Variants in FDCSP observed in about 807,000 individuals in gnomAD.
FDCSP encodes follicular dendritic cell secreted protein, also known as follicular dendritic cell secreted peptide.
Under a neutral mutation model 8.9 loss-of-function variants are expected in FDCSP, and 8 were observed. The observed-to-expected ratio is 0.90, with a 90% confidence interval of 0.53 to 1.63. The LOEUF (loss-of-function observed/expected upper bound fraction) is 1.63, where lower values mean the gene tolerates loss of function less well. Ranked by LOEUF, FDCSP falls within the 40% of genes most tolerant of loss-of-function variation. The probability of loss-of-function intolerance (pLI) is 0.00; values close to 1 mark genes in which losing one functional copy is unlikely to be tolerated. For synonymous variants in FDCSP, 34 were observed against 34.5 expected (o/e 0.98, Z 0.06); for missense variants, 101 against 103.6 (o/e 0.98, Z 0.11).
At chr4:70,226,740 A>G (rs572471289) in intron 1 of FDCSP, among the ~76,000 whole-genome samples, 1 of 152,010 alleles carries the variant, frequency 6.6e-6, no homozygotes, top group South Asian at 2.1e-4. Flanking sequence ...ATTTATCTGG[A>G]GAATCATTTA....
chr4:70,229,882 A>G (rs1290601619), intron 1 of FDCSP, among the ~76,000 whole-genome samples: 4 of 151,706 alleles, frequency 2.6e-5, no homozygotes, highest in Admixed American at 2.6e-4. Context: ...ATATCTTATA[A>G]TACTGAAAAC....
chr4:70,234,472 A>C (rs1730140866), intron 4 of FDCSP, among the ~76,000 whole-genome samples: 2 of 151,642 alleles, frequency 1.3e-5, no homozygotes, highest in Non-Finnish European at 3.0e-5. Context: ...ATTTTATTAA[A>C]ATATTGTTTA....
At chr4:70,226,414 T>G (rs1004534427) in intron 1 of FDCSP, among the ~76,000 whole-genome samples, 1 of 151,894 alleles carries the variant, frequency 6.6e-6, no homozygotes, top group Non-Finnish European at 1.5e-5. Context: ...AAATATTTAT[T>G]TTAGAGTGAC....
At chr4:70,234,814 A>C (rs1406976544) in intron 4 of FDCSP, among the ~76,000 whole-genome samples, 1 of 150,614 alleles carries the variant, frequency 6.6e-6, no homozygotes. Context: ...GATCTAATCT[A>C]CTATAATAAT....
chr4:70,233,998 T>C (rs1361996593), intron 3 of FDCSP, 22 bp from the exon 4 acceptor site: 1 of 1,579,704 alleles, frequency 6.3e-7, no homozygotes, highest in Non-Finnish European at 8.6e-7. Context: ...AAATAAACCC[T>C]TTAACTTCTT....
chr4:70,233,233 TA>T (rs1730118536), intron 3 of FDCSP, among the ~76,000 whole-genome samples: 1 of 151,712 alleles, frequency 6.6e-6, no homozygotes, highest in Non-Finnish European at 1.5e-5. Context: ...CATGTCACGG[TA>T]AAAATTGGAT....
At chr4:70,231,587 C>T (rs1168769993) in intron 2 of FDCSP, among the ~76,000 whole-genome samples, 8 of 151,662 alleles carry the variant, frequency 5.3e-5, no homozygotes, top group Non-Finnish European at 1.0e-4. Flanking sequence ...CTGGTGTAAA[C>T]AAACCTACCC....
At chr4:70,234,329 T>C in intron 4 of FDCSP, 114 bp downstream of exon 4, 1 of 832,186 alleles carries the variant, frequency 1.2e-6, no homozygotes, top group Non-Finnish European at 1.8e-6. Context: ...TCAGTTTCTG[T>C]TTGTTTTAAT....
intron 3 of FDCSP, among the ~76,000 whole-genome samples, chr4:70,233,731 A>G (rs2109687055): frequency 6.6e-6 from 1 of 151,806 alleles, no homozygotes; most frequent in Non-Finnish European, 1.5e-5. Context: ...GAGAAATTTT[A>G]TGGTACCGCA....
At chr4:70,233,261 C>T (rs1189349579) in intron 3 of FDCSP, among the ~76,000 whole-genome samples, 2 of 151,638 alleles carry the variant, frequency 1.3e-5, no homozygotes, top group East Asian at 1.9e-4. Context: ...CCGAATCACT[C>T]TGTGATGATT....
At chr4:70,229,195 A>G (rs1422607938) in intron 1 of FDCSP, among the ~76,000 whole-genome samples, 2 of 151,684 alleles carry the variant, frequency 1.3e-5, no homozygotes, top group Non-Finnish European at 3.0e-5. Flanking sequence ...TTGCACTTTT[A>G]TGTTATAGCC....
chr4:70,227,834 AAC>A (rs1730013647), intron 1 of FDCSP, among the ~76,000 whole-genome samples: 1 of 151,774 alleles, frequency 6.6e-6, no homozygotes, highest in Non-Finnish European at 1.5e-5. Context: ...TGTCTAGAAA[AAC>A]AACATACATA....
chr4:70,230,214 CA>C (rs1218814428), intron 1 of FDCSP, among the ~76,000 whole-genome samples: 3 of 151,616 alleles, frequency 2.0e-5, no homozygotes, highest in Non-Finnish European at 4.4e-5. Flanking sequence ...CAGAACCCCC[CA>C]CATATTCTTT....
rs1469521175 is a variant in FDCSP, at chr4:70,231,178, T to C, written c.1-17T>C. On this transcript the variant is annotated splice_polypyrimidine_tract_variant and intron_variant, in intron 1 of 4. Coordinates refer to ENST00000317987, the MANE Select transcript of FDCSP (RefSeq NM_152997.4). ...AAATGAAAGTTCTTCTTATTTTTTA[T>C]TTACTCCATTTTGCAGATGAAGAAA... is the stretch of plus-strand genomic sequence containing the variant. The C allele has an allele frequency of 6.3e-7, 1 of 1,581,744 alleles. No individual in the cohort carries two copies. Among genetic ancestry groups the C allele is most frequent in the Admixed American group, 1.8e-5 (1 of 55,394 alleles).
Position 70,231,190 on chromosome 4 carries a change from T to C in FDCSP, c.1-5T>C. ...TTCTTATTTTTTATTTACTCCATTT[T>C]GCAGATGAAGAAAGTTCTCCTCCTG... On this transcript the variant is annotated splice_polypyrimidine_tract_variant and splice_region_variant and intron_variant, in intron 1 of 4. Coordinates refer to ENST00000317987, the MANE Select transcript of FDCSP (RefSeq NM_152997.4). 6.3e-7 allele frequency: 1 copy of C among 1,592,808 alleles called. No homozygotes were observed. The highest frequency in any genetic ancestry group is 8.6e-7 in the Non-Finnish European group (1 of 1,169,024).
At chr4:70,229,880 T>C (rs1730051400) in intron 1 of FDCSP, among the ~76,000 whole-genome samples, 2 of 151,682 alleles carry the variant, frequency 1.3e-5, no homozygotes, top group South Asian at 2.1e-4. Flanking sequence ...AAATATCTTA[T>C]AATACTGAAA....
chr4:70,233,612 C>T lies in FDCSP; in HGVS notation c.91-408C>T, dbSNP rs112669981. ...TTAAGAATACAAAAATTAATAGAGA[C>T]ACAAACAGATAATTGAGAGCAAAAG... On this transcript the variant is annotated intron_variant, in intron 3 of 4. Coordinates refer to ENST00000317987, the MANE Select transcript of FDCSP (RefSeq NM_152997.4). Among the ~76,000 whole-genome samples the T allele has an allele frequency of 7.4e-3, 1,115 of 151,654 alleles. 13 individuals carry two copies. Among genetic ancestry groups the T allele is most frequent in the African/African-American group, 0.025 (1,051 of 41,434 alleles).
intron 1 of FDCSP, among the ~76,000 whole-genome samples, chr4:70,230,984 G>A (rs1403405661): frequency 6.6e-6 from 1 of 151,582 alleles, no homozygotes; most frequent in Non-Finnish European, 1.5e-5. Flanking sequence ...AAATTACAAA[G>A]CTCCTTTGCT....
At chr4:70,233,172 G>A in intron 3 of FDCSP, 146 bp downstream of exon 3, 2 of 602,884 alleles carry the variant, frequency 3.3e-6, no homozygotes, top group South Asian at 5.2e-5. Context: ...CAGAGGTTTA[G>A]ACTTCAGGTA....
Sources: gnomAD v4.1 joint callset for allele counts (sites outside exome capture counted in the v4.1 genomes callset) on GRCh38, gnomAD v4.1.1 for gene constraint, MANE v1.5 for transcripts, NCBI Gene and HGNC (gene_info 2026-07-23, HGNC 2026-07-21) for gene names.